The following GRID2 variants were observed in gnomAD, a reference collection of about 807,000 sequenced individuals.
The protein encoded by GRID2 is glutamate receptor ionotropic, delta-2.
A neutral mutation model predicts 114.8 loss-of-function variants in GRID2; 33 were observed. The ratio of observed to expected loss-of-function variants is 0.29; its 90% CI spans 0.22 to 0.38. GRID2 has a LOEUF of 0.38. GRID2 is among the 10% of genes least tolerant of loss of function. The pLI, the probability that GRID2 is intolerant of heterozygous loss-of-function variation, is 1.00. For missense variants in GRID2, 1,184 were observed against 1,257.7 expected, an observed-to-expected ratio of 0.94 and a Z score of 0.89; for synonymous variants, 505 against 449.9, an observed-to-expected ratio of 1.12 and a Z score of -1.55.
At chr4:92,767,958 G>T (rs1308065562) in intron 2 of GRID2, among the ~76,000 whole-genome samples, 2 of 151,296 alleles carry the variant, frequency 1.3e-5, no homozygotes, top group Non-Finnish European at 2.9e-5. Flanking sequence ...TACATGATCA[G>T]CACATAAGTG....
intron 2 of GRID2, among the ~76,000 whole-genome samples, chr4:92,701,134 C>T (rs1225618034): frequency 6.6e-6 from 1 of 152,030 alleles, no homozygotes; most frequent in Admixed American, 6.6e-5. Context: ...CCTTCCTTAT[C>T]GTAGACTTTC....
chr4:93,267,070 T>C (rs971986747), intron 8 of GRID2, among the ~76,000 whole-genome samples: 10 of 152,114 alleles, frequency 6.6e-5, no homozygotes, highest in Non-Finnish European at 1.0e-4. Flanking sequence ...GTTTCACTTA[T>C]GATAATGGCT....
chr4:92,916,894 G>A (rs1279495398), intron 2 of GRID2, among the ~76,000 whole-genome samples: 2 of 152,160 alleles, frequency 1.3e-5, no homozygotes, highest in Non-Finnish European at 2.9e-5. Context: ...GGATGGCTGG[G>A]TCAAATGGTA....
chr4:93,146,285 G>T (rs553529619), intron 4 of GRID2, among the ~76,000 whole-genome samples: 1 of 152,240 alleles, frequency 6.6e-6, no homozygotes, highest in South Asian at 2.1e-4. Context: ...CTATTTGGCA[G>T]TGTATTTGGA....
chr4:92,637,328 G>A (rs1731116639), intron 2 of GRID2, among the ~76,000 whole-genome samples: 1 of 151,938 alleles, frequency 6.6e-6, no homozygotes. Flanking sequence ...AAGGAATGAT[G>A]GGAAGAAGTT....
At chr4:92,837,037 C>T (rs1195521004) in intron 2 of GRID2, among the ~76,000 whole-genome samples, 1 of 152,072 alleles carries the variant, frequency 6.6e-6, no homozygotes, top group Non-Finnish European at 1.5e-5. Flanking sequence ...AGGCCAATGA[C>T]TGAGACTGTG....
chr4:93,307,222 A>T (rs964384428), intron 8 of GRID2, among the ~76,000 whole-genome samples: 21 of 152,062 alleles, frequency 1.4e-4, no homozygotes, highest in East Asian at 7.7e-4. Flanking sequence ...AAATAAAAAA[A>T]AAAAAAATAA....
At chr4:93,293,012 T>G (rs946905715) in intron 8 of GRID2, among the ~76,000 whole-genome samples, 3 of 152,178 alleles carry the variant, frequency 2.0e-5, no homozygotes, top group African/African-American at 7.2e-5. Context: ...CATAAGCAAT[T>G]TTTAAGCAAC....
chr4:92,627,327 C>T (rs183277787), intron 2 of GRID2, among the ~76,000 whole-genome samples: 16 of 152,028 alleles, frequency 1.1e-4, no homozygotes, highest in African/African-American at 1.7e-4. Context: ...TAAATCTCTC[C>T]GTTTTTACCT....
chr4:92,865,413 G>A (rs1744791039), intron 2 of GRID2, among the ~76,000 whole-genome samples: 1 of 152,158 alleles, frequency 6.6e-6, no homozygotes, highest in Non-Finnish European at 1.5e-5. Context: ...TGGACAAAAG[G>A]AAATATTCAG....
At chr4:93,651,448 T>C (rs2149722059) in intron 14 of GRID2, among the ~76,000 whole-genome samples, 1 of 152,296 alleles carries the variant, frequency 6.6e-6, no homozygotes, top group African/African-American at 2.4e-5. Flanking sequence ...AAACACCTGG[T>C]AAAGCGTATC....
At chr4:93,106,897 C>T (rs1318053574) in intron 3 of GRID2, among the ~76,000 whole-genome samples, 1 of 152,130 alleles carries the variant, frequency 6.6e-6, no homozygotes, top group East Asian at 1.9e-4. Flanking sequence ...ATGTTCTTTA[C>T]TAACAATAAA....
chr4:92,607,032 C>T (rs62307877), intron 2 of GRID2, among the ~76,000 whole-genome samples: 8,520 of 152,024 alleles, frequency 0.056, 283 homozygotes, highest in East Asian at 0.12. Context: ...TAAGTCTGAG[C>T]AGAAACACAG....
intron 8 of GRID2, among the ~76,000 whole-genome samples, chr4:93,299,596 T>C (rs1754654717): frequency 1.3e-5 from 2 of 151,228 alleles, no homozygotes; most frequent in East Asian, 4.0e-4. Context: ...ATATACCTAA[T>C]GTTAAATGAT....
chr4:92,552,490 G>A (rs1726642363), intron 1 of GRID2, among the ~76,000 whole-genome samples: 1 of 152,152 alleles, frequency 6.6e-6, no homozygotes, highest in African/African-American at 2.4e-5. Context: ...GCAAAATGGT[G>A]TGAAGTAGCT....
chr4:92,794,515 T>A (rs895432844), intron 2 of GRID2, among the ~76,000 whole-genome samples: 30 of 151,874 alleles, frequency 2.0e-4, no homozygotes, highest in African/African-American at 7.2e-4. Flanking sequence ...GGTTTCTCAC[T>A]TAAAATCATT....
At chr4:93,591,958 T>A (rs1738383854) in intron 13 of GRID2, among the ~76,000 whole-genome samples, 1 of 152,204 alleles carries the variant, frequency 6.6e-6, no homozygotes, top group Admixed American at 6.5e-5. Context: ...TTTTTCTTTA[T>A]TAGTCTTGCT....
At chr4:93,583,881 A>G (rs940635871) in intron 13 of GRID2, among the ~76,000 whole-genome samples, 2 of 152,206 alleles carry the variant, frequency 1.3e-5, no homozygotes, top group African/African-American at 2.4e-5. Flanking sequence ...AACAACAACT[A>G]GAACTTCAAA....
intron 8 of GRID2, among the ~76,000 whole-genome samples, chr4:93,292,419 GAACT>G (rs1490711973): frequency 6.6e-6 from 1 of 152,154 alleles, no homozygotes. Context: ...GCTATGAACA[GAACT>G]AAGAAGTAAG....
Sources: allele counts gnomAD v4.1 joint callset (sites outside exome capture counted in the v4.1 genomes callset), GRCh38; gene constraint gnomAD v4.1.1; transcripts MANE v1.5; gene names NCBI Gene and HGNC (gene_info 2026-07-23, HGNC 2026-07-21).